The following SLCO1A2 variants were observed in gnomAD, a reference collection of about 807,000 sequenced individuals.
The protein encoded by SLCO1A2 is solute carrier organic anion transporter family member 1A2, also known as OATP-1.
A neutral mutation model predicts 69.0 loss-of-function variants in SLCO1A2; 67 were observed. The observed-to-expected ratio is 0.97, with a 90% CI of 0.80 to 1.19. SLCO1A2 has a LOEUF of 1.19. Among genes scored for constraint, SLCO1A2 ranks in the 50% most tolerant of loss-of-function variants. The pLI is 0.00. For missense variants in SLCO1A2, 787 were observed against 793.7 expected (o/e 0.99, Z 0.10); for synonymous variants, 260 against 265.9 (o/e 0.98, Z 0.22).
intron 12 of SLCO1A2, among the ~76,000 whole-genome samples, chr12:21,275,942 A>C (rs1591775690): frequency 8.3e-6 from 1 of 121,098 alleles, no homozygotes; most frequent in African/African-American, 3.7e-5. Context: ...ACTCCATCTC[A>C]AAAAAAAAAA....
chr12:21,301,630 T>C (rs1337472166), intron 6 of SLCO1A2, among the ~76,000 whole-genome samples: 17 of 152,150 alleles, frequency 1.1e-4, no homozygotes, highest in Non-Finnish European at 1.5e-5. Flanking sequence ...TTGGGAGGAA[T>C]TCTAAAGCAA....
chr12:21,403,505 A>C (rs1430680264), intron 1 of SLCO1A2: 1 of 152,144 alleles, frequency 6.6e-6, no homozygotes, highest in Non-Finnish European at 1.5e-5. Flanking sequence ...TTGAGTAGCC[A>C]GTATGAATAA....
chr12:21,339,467 C>T (rs1383326575), upstream of SLCO1A2, among the ~76,000 whole-genome samples: 6 of 151,840 alleles, frequency 4.0e-5, no homozygotes, highest in East Asian at 1.9e-4. Context: ...TTAAACTAGC[C>T]GTGTGTTTTT....
At chr12:21,334,165 A>G (rs565949702) in intron 2 of SLCO1A2, among the ~76,000 whole-genome samples, 17 of 152,250 alleles carry the variant, frequency 1.1e-4, no homozygotes, top group African/African-American at 4.1e-4. Flanking sequence ...CCAAAGCTTA[A>G]AGAAAACATT....
chr12:21,298,627 G>A (rs777720600), intron 8 of SLCO1A2, among the ~76,000 whole-genome samples: 2 of 152,254 alleles, frequency 1.3e-5, no homozygotes, highest in South Asian at 4.1e-4. Flanking sequence ...TGACAGGAGA[G>A]AGAGTTATCT....
chr12:21,296,802 G>A (rs957737649), intron 9 of SLCO1A2, among the ~76,000 whole-genome samples: 2 of 152,224 alleles, frequency 1.3e-5, no homozygotes, highest in African/African-American at 4.8e-5. Flanking sequence ...GTCTGAGGGG[G>A]AACCCCAGGT....
At chr12:21,405,130 T>C (rs1191811781) in intron 1 of SLCO1A2, among the ~76,000 whole-genome samples, 1 of 151,964 alleles carries the variant, frequency 6.6e-6, no homozygotes, top group East Asian at 1.9e-4. Flanking sequence ...TATTAGACCT[T>C]TGTAAGATGC....
At chr12:21,405,202 T>C (rs1429670102) in intron 1 of SLCO1A2, among the ~76,000 whole-genome samples, 2 of 152,126 alleles carry the variant, frequency 1.3e-5, no homozygotes, top group Non-Finnish European at 2.9e-5. Flanking sequence ...GATAGTTTCT[T>C]TTGCTGTGCA....
At chr12:21,372,787 G>A (rs903713779) in intron 2 of SLCO1A2, 1 of 156,492 alleles carries the variant, frequency 6.4e-6, no homozygotes, top group African/African-American at 2.4e-5. Context: ...CTGCCTGTGA[G>A]GTACTTTCTA....
intron 4 of SLCO1A2, 132 bp downstream of exon 4, chr12:21,314,417 G>C: frequency 1.1e-6 from 1 of 931,628 alleles, no homozygotes; most frequent in Non-Finnish European, 1.6e-6. Context: ...AGATGGAACA[G>C]AATGTGCATC....
chr12:21,292,181 T>A lies in SLCO1A2; in HGVS notation c.1593A>T (p.Gly531=). The A allele has an allele frequency of 1.9e-6, 3 of 1,600,636 alleles. No homozygotes were observed. Among genetic ancestry groups the A allele is most frequent in the Non-Finnish European group, 2.6e-6 (3 of 1,173,234 alleles). ...TTTTGTACCTCAAGAGAACCATATA[T>A]CCAGGTATGGCAGCCAAAGAATAAA... ...SFIYSLAAIP[G]YMVLLRCMKS... is the part of the protein sequence containing the mutation. The change falls in exon 12 of 15, where the codon GGA becomes GGT. Residue 531 remains glycine (G), a synonymous_variant. Coordinates refer to ENST00000683939, the MANE Select transcript of SLCO1A2 (RefSeq NM_001386879.1).
chr12:21,307,003 G>A lies in SLCO1A2; in HGVS notation c.336-15C>T. The A allele has an allele frequency of 6.5e-7, 1 of 1,543,478 alleles. No individual in the cohort carries two copies. Among genetic ancestry groups the A allele is most frequent in the Non-Finnish European group, 9.0e-7 (1 of 1,116,816 alleles). On this transcript the variant is annotated splice_polypyrimidine_tract_variant and intron_variant, in intron 4 of 14. Transcript: ENST00000683939. ...CATATTCATATCTGTATAAACACAG[G>A]GAAAATGAGTTTATTTTAAGAAAGT...
chr12:21,402,277 T>A (rs963240603), intron 1 of SLCO1A2, among the ~76,000 whole-genome samples: 33 of 151,734 alleles, frequency 2.2e-4, no homozygotes, highest in Non-Finnish European at 5.9e-5. Flanking sequence ...ATATGAGAGG[T>A]GAGCTTTATA....
chr12:21,287,145 A>G (rs2136245444), intron 12 of SLCO1A2, among the ~76,000 whole-genome samples: 1 of 134,674 alleles, frequency 7.4e-6, no homozygotes, highest in South Asian at 2.6e-4. Context: ...ATCTACAATG[A>G]ACTCAAACAA....
At chr12:21,299,793 C>CACGTATATATATATATATATATAT (rs1456572665) in intron 8 of SLCO1A2, among the ~76,000 whole-genome samples, 14 of 113,640 alleles carry the variant, frequency 1.2e-4, no homozygotes, top group South Asian at 2.7e-4. Context: ...TATATATACA[C>CACGTATATATATATATATATATAT]ACACACGTAT....
intron 2 of SLCO1A2, among the ~76,000 whole-genome samples, chr12:21,354,010 A>G (rs1418807675): frequency 6.6e-6 from 1 of 152,180 alleles, no homozygotes; most frequent in Non-Finnish European, 1.5e-5. Flanking sequence ...AAGTTACTTA[A>G]CCTCTCTAAA....
intron 12 of SLCO1A2, among the ~76,000 whole-genome samples, chr12:21,278,105 C>T (rs994462573): frequency 6.6e-6 from 1 of 152,116 alleles, no homozygotes; most frequent in African/African-American, 2.4e-5. Context: ...GGTGGCCTGG[C>T]AGTATTCCCT....
chr12:21,413,309 G>C (rs775463232), intron 1 of SLCO1A2, among the ~76,000 whole-genome samples: 1 of 128,922 alleles, frequency 7.8e-6, no homozygotes, highest in African/African-American at 3.0e-5. Flanking sequence ...CACATTCTCT[G>C]TTCACTGCAA....
At position 21,316,975 on chromosome 12, in the gene SLCO1A2, T is replaced by C. The variant is rs550468484; in HGVS notation, c.202+1807A>G. Among the ~76,000 whole-genome samples, 4 of 152,342 alleles carry C rather than the reference T, an allele frequency of 2.6e-5. No individual in the cohort carries two copies. In the South Asian group the frequency reaches 8.3e-4, roughly 32 times the overall value. ...ATAATTACTTTAAAATTAGTAACTTTTTAATTTAATGGGTTGATTAAAAGT... is the reference window on the plus strand; with the variant it reads ...ATAATTACTTTAAAATTAGTAACTTCTTAATTTAATGGGTTGATTAAAAGT... On this transcript the variant is annotated intron_variant, in intron 3 of 14. Coordinates refer to ENST00000683939, the MANE Select transcript of SLCO1A2 (RefSeq NM_001386879.1).
Sources: allele counts gnomAD v4.1 joint callset (sites outside exome capture counted in the v4.1 genomes callset), GRCh38; gene constraint gnomAD v4.1.1; transcripts MANE v1.5; gene names NCBI Gene and HGNC (gene_info 2026-07-23, HGNC 2026-07-21).